PCDH9: variants seen among roughly 807,000 people sequenced by gnomAD.
PCDH9 encodes protocadherin-9.
PCDH9 carries 24 observed loss-of-function variants against 70.6 expected under a neutral mutation model. The observed-to-expected ratio is 0.34, with a 90% CI of 0.25 to 0.48. PCDH9 has a LOEUF of 0.48. Ranked by LOEUF, PCDH9 falls within the 20% of genes least tolerant of loss-of-function variation. PCDH9 has a pLI of 0.99. For missense variants in PCDH9, 1,281 were observed against 1,503.6 expected, an observed-to-expected ratio of 0.85 and a Z score of 2.45; for synonymous variants, 562 against 558.5, an observed-to-expected ratio of 1.01 and a Z score of -0.09.
chr13:66,770,718 G>A (rs978818218), intron 3 of PCDH9, among the ~76,000 whole-genome samples: 3 of 152,150 alleles, frequency 2.0e-5, no homozygotes, highest in Admixed American at 2.0e-4. Flanking sequence ...CTGCCAGACA[G>A]CCTCTTCTAC....
At chr13:66,722,287 T>G (rs544807720) in intron 3 of PCDH9, among the ~76,000 whole-genome samples, 154 of 152,326 alleles carry the variant, frequency 1.0e-3, no homozygotes, top group Non-Finnish European at 9.6e-4. Flanking sequence ...AGAACATAAC[T>G]GCACTCAGTG....
At chr13:66,617,224 G>A (rs987600169) in intron 4 of PCDH9, among the ~76,000 whole-genome samples, 1 of 152,096 alleles carries the variant, frequency 6.6e-6, no homozygotes, top group African/African-American at 2.4e-5. Flanking sequence ...ACCTGCCAAG[G>A]TCGTCAGAAC....
At chr13:66,768,054 A>G (rs1594033072) in intron 3 of PCDH9, among the ~76,000 whole-genome samples, 1 of 152,066 alleles carries the variant, frequency 6.6e-6, no homozygotes, top group African/African-American at 2.4e-5. Flanking sequence ...GCAAGGTCCC[A>G]GTTTACCAGT....
At chr13:66,638,960 G>T (rs936227140) in intron 3 of PCDH9, among the ~76,000 whole-genome samples, 2 of 152,136 alleles carry the variant, frequency 1.3e-5, no homozygotes, top group African/African-American at 4.8e-5. Flanking sequence ...AAATGGGAAG[G>T]TTCAGTTTGT....
At chr13:66,480,288 C>T (rs1226504792) in intron 4 of PCDH9, among the ~76,000 whole-genome samples, 1 of 152,132 alleles carries the variant, frequency 6.6e-6, no homozygotes, top group Non-Finnish European at 1.5e-5. Context: ...ATGATAAAAA[C>T]TTAAACAGAT....
intron 4 of PCDH9, among the ~76,000 whole-genome samples, chr13:66,387,868 A>G (rs1242163343): frequency 3.9e-5 from 6 of 152,172 alleles, no homozygotes; most frequent in Non-Finnish European, 8.8e-5. Flanking sequence ...TTTACACCTC[A>G]GTCTCCAGAG....
intron 3 of PCDH9, among the ~76,000 whole-genome samples, chr13:66,773,788 T>A (rs2079847782): frequency 6.6e-6 from 1 of 151,556 alleles, no homozygotes; most frequent in Admixed American, 6.6e-5. Context: ...TTTTTTTCTT[T>A]TTTTTTTTAG....
At chr13:66,569,620 T>C (rs776162026) in intron 4 of PCDH9, among the ~76,000 whole-genome samples, 2 of 152,182 alleles carry the variant, frequency 1.3e-5, no homozygotes, top group African/African-American at 4.8e-5. Context: ...AAACGTTGTA[T>C]AGTCAAATTA....
intron 2 of PCDH9, among the ~76,000 whole-genome samples, chr13:67,001,522 T>C (rs967847373): frequency 4.0e-5 from 6 of 151,620 alleles, no homozygotes; most frequent in Non-Finnish European, 8.9e-5. Flanking sequence ...GGTCTGAGAA[T>C]GCTCTTGGTA....
At chr13:67,133,672 C>A (rs1219448098) in intron 2 of PCDH9, among the ~76,000 whole-genome samples, 1 of 152,028 alleles carries the variant, frequency 6.6e-6, no homozygotes, top group African/African-American at 2.4e-5. Context: ...AACCCAGGAT[C>A]CCTGGCAGGC....
intron 3 of PCDH9, among the ~76,000 whole-genome samples, chr13:66,732,982 A>G (rs929606887): frequency 4.6e-5 from 7 of 152,090 alleles, no homozygotes; most frequent in African/African-American, 1.7e-4. Context: ...CTCTGATAAT[A>G]AAATGGAAAT....
At chr13:66,726,356 C>T (rs1035144761) in intron 3 of PCDH9, among the ~76,000 whole-genome samples, 4 of 152,010 alleles carry the variant, frequency 2.6e-5, no homozygotes, top group Admixed American at 1.3e-4. Flanking sequence ...TGACAAGTTG[C>T]ACAATGTAAA....
chr13:67,140,318 T>C (rs2138355356), intron 2 of PCDH9, among the ~76,000 whole-genome samples: 1 of 152,184 alleles, frequency 6.6e-6, no homozygotes, highest in Non-Finnish European at 1.5e-5. Flanking sequence ...GCACAGAACC[T>C]GTTAGAGCTA....
intron 4 of PCDH9, among the ~76,000 whole-genome samples, chr13:66,313,052 A>G (rs1410575489): frequency 2.6e-5 from 4 of 152,226 alleles, no homozygotes; most frequent in Non-Finnish European, 5.9e-5. Context: ...TCTGCAGGGC[A>G]TGAAAATAAG....
intron 3 of PCDH9, among the ~76,000 whole-genome samples, chr13:66,899,020 T>A (rs1192152256): frequency 6.6e-6 from 1 of 151,976 alleles, no homozygotes; most frequent in Admixed American, 6.6e-5. Context: ...CACATAATAA[T>A]AGTTTAATAC....
At position 66,856,357 on chromosome 13, in the gene PCDH9, A is replaced by C. The variant is rs1196652108; in HGVS notation, c.3138+47147T>G. Among the ~76,000 whole-genome samples the C allele has an allele frequency of 3.3e-5, 5 of 152,192 alleles. No individual in the cohort carries two copies. In the East Asian group the frequency reaches 9.7e-4, roughly 29 times the overall value. ...ATGAAAGCAATGGGAGTTCAAATGC[A>C]TGTAAGACACTGAGCCTTGCACAAT... On this transcript the variant is annotated intron_variant, in intron 3 of 4. Transcript: ENST00000377865.
At chr13:66,784,753 C>A (rs191203974) in intron 3 of PCDH9, among the ~76,000 whole-genome samples, 57 of 152,174 alleles carry the variant, frequency 3.7e-4, no homozygotes, top group Middle Eastern at 3.4e-3. Flanking sequence ...TGGGCATATA[C>A]TTTATCAATA....
intron 3 of PCDH9, among the ~76,000 whole-genome samples, chr13:66,667,910 G>T (rs1441300911): frequency 6.6e-6 from 1 of 152,088 alleles, no homozygotes; most frequent in Non-Finnish European, 1.5e-5. Flanking sequence ...TGTTCATGAA[G>T]CATAGATTTA....
chr13:66,489,580 G>A (rs1373632308), intron 4 of PCDH9, among the ~76,000 whole-genome samples: 2 of 152,130 alleles, frequency 1.3e-5, no homozygotes, highest in Non-Finnish European at 2.9e-5. Context: ...TTAAAATGCT[G>A]AGATTACAGG....
Sources: gnomAD v4.1 joint callset for allele counts (sites outside exome capture counted in the v4.1 genomes callset) on GRCh38, gnomAD v4.1.1 for gene constraint, MANE v1.5 for transcripts, NCBI Gene and HGNC (gene_info 2026-07-23, HGNC 2026-07-21) for gene names.